AFF3: variants seen among roughly 807,000 people sequenced by gnomAD.
The protein encoded by AFF3 is AF4/FMR2 family member 3.
A neutral mutation model predicts 129.7 loss-of-function variants in AFF3; 32 were observed. That is an observed-to-expected ratio of 0.25 (90% CI 0.19 to 0.33). The LOEUF is 0.33. Among genes scored for constraint, AFF3 ranks in the 10% least tolerant of loss-of-function variants. The pLI, the probability that AFF3 is intolerant of heterozygous loss-of-function variation, is 1.00. For missense variants in AFF3, 1,373 were observed against 1,592.0 expected (o/e 0.86, Z 2.34); for synonymous variants, 644 against 635.4 (o/e 1.01, Z -0.20).
At chr2:99,994,939 AT>A (rs1680702770) in intron 7 of AFF3, among the ~76,000 whole-genome samples, 2 of 152,352 alleles carry the variant, frequency 1.3e-5, no homozygotes, top group Non-Finnish European at 1.5e-5. Flanking sequence ...ATAGGACCCC[AT>A]CCTAGAAGAT....
intron 16 of AFF3, among the ~76,000 whole-genome samples, chr2:99,585,970 C>T (rs1575430735): frequency 6.6e-6 from 1 of 152,058 alleles, no homozygotes; most frequent in Non-Finnish European, 1.5e-5. Flanking sequence ...ACCTTGTGAT[C>T]CGCCCGCCTC....
intron 11 of AFF3, chr2:99,707,393 A>C (rs1677501488): frequency 1.0e-6 from 1 of 985,240 alleles, no homozygotes; most frequent in African/African-American, 1.7e-5. Flanking sequence ...GAAATGTGTG[A>C]TTTTTAAACA....
At chr2:99,555,421 T>C (rs1326643186) in intron 22 of AFF3, among the ~76,000 whole-genome samples, 1 of 152,248 alleles carries the variant, frequency 6.6e-6, no homozygotes, top group African/African-American at 2.4e-5. Flanking sequence ...TTAAAGTAAG[T>C]TGCTGTTGCA....
chr2:99,561,724 C>T (rs1675493182), intron 20 of AFF3, among the ~76,000 whole-genome samples: 1 of 152,154 alleles, frequency 6.6e-6, no homozygotes, highest in South Asian at 2.1e-4. Context: ...TTTATAAACT[C>T]ATAAGGAGTA....
chr2:99,643,479 A>G (rs563303814), intron 13 of AFF3, among the ~76,000 whole-genome samples: 3 of 152,252 alleles, frequency 2.0e-5, no homozygotes, highest in South Asian at 4.2e-4. Context: ...TGGAACCTTA[A>G]CACTTTCTTA....
intron 4 of AFF3, among the ~76,000 whole-genome samples, chr2:100,076,066 G>C (rs1487741511): frequency 2.0e-5 from 3 of 152,196 alleles, no homozygotes; most frequent in Non-Finnish European, 4.4e-5. Flanking sequence ...CTGCAGACAT[G>C]TAAATGTCTC....
chr2:99,843,021 T>C (rs1689436331), intron 7 of AFF3, among the ~76,000 whole-genome samples: 1 of 152,202 alleles, frequency 6.6e-6, no homozygotes, highest in Admixed American at 6.5e-5. Context: ...CCCTCAAGCA[T>C]TTAGAAATTG....
At position 99,619,887 on chromosome 2, in the gene AFF3, A is replaced by T. The variant is rs544665187; in HGVS notation, c.1185-18266T>A. 2.6e-5 allele frequency among the ~76,000 whole-genome samples: 4 copies of T among 152,298 alleles called. No homozygotes were observed. In the South Asian group the frequency reaches 8.3e-4, roughly 32 times the overall value. The stretch of plus-strand genomic sequence containing the variant: ...AGCCAGTTCCACAGCAAGGGTAATA[A>T]GGCAACAAATGCTAGCTTAGGCCAA... On this transcript the variant is annotated intron_variant, in intron 13 of 24. Coordinates refer to ENST00000672756, the MANE Select transcript of AFF3 (RefSeq NM_001386135.1).
chr2:100,088,868 A>T (rs1689651037), intron 4 of AFF3, among the ~76,000 whole-genome samples: 1 of 152,260 alleles, frequency 6.6e-6, no homozygotes, highest in Admixed American at 6.5e-5. Context: ...ACCATTAAGT[A>T]CTTCACAATA....
chr2:99,836,920 A>G (rs1391219589), intron 8 of AFF3, among the ~76,000 whole-genome samples: 3 of 152,198 alleles, frequency 2.0e-5, no homozygotes, highest in Non-Finnish European at 4.4e-5. Context: ...GCCCAACCTA[A>G]GTCAATCTGG....
At chr2:99,942,461 G>C (rs1675141196) in intron 7 of AFF3, among the ~76,000 whole-genome samples, 1 of 148,480 alleles carries the variant, frequency 6.7e-6, no homozygotes, top group Admixed American at 6.9e-5. Context: ...TGACTGCTGG[G>C]AGCTATTTTA....
At position 100,013,018 on chromosome 2, in the gene AFF3, G is replaced by A. The variant is rs56987130; in HGVS notation, c.54-4086C>T. ...GCTTCAATATTATTTATCATTTGTT[G>A]CAGATGCATAACATTCCCAGAAAAT... On this transcript the variant is annotated intron_variant, in intron 4 of 24. Coordinates refer to ENST00000672756, the MANE Select transcript of AFF3 (RefSeq NM_001386135.1). Among the ~76,000 whole-genome samples the A allele has an allele frequency of 1.9e-3, 294 of 152,052 alleles. 2 individuals are homozygous for A. Among genetic ancestry groups the A allele is most frequent in the African/African-American group, 6.8e-3 (284 of 41,466 alleles).
intron 10 of AFF3, 23 bp downstream of exon 10, chr2:99,744,081 C>G: frequency 6.5e-7 from 1 of 1,547,276 alleles, no homozygotes; most frequent in South Asian, 1.1e-5. Flanking sequence ...CCAGATGAAA[C>G]TCCAGAGCGA....
At chr2:100,004,468 G>A (rs1347352871) in intron 7 of AFF3, among the ~76,000 whole-genome samples, 1 of 151,538 alleles carries the variant, frequency 6.6e-6, no homozygotes, top group African/African-American at 2.4e-5. Flanking sequence ...TTTATTTTTT[G>A]TAGAGATGGG....
chr2:100,116,928 A>G (rs10177007), intron 2 of AFF3, among the ~76,000 whole-genome samples: 17,694 of 152,136 alleles, frequency 0.12, 1,231 homozygotes, highest in Non-Finnish European at 0.14. Flanking sequence ...TACATTTATA[A>G]TTGAAGAGTA....
At chr2:99,871,324 T>A (rs1429648231) in intron 7 of AFF3, among the ~76,000 whole-genome samples, 1 of 152,202 alleles carries the variant, frequency 6.6e-6, no homozygotes, top group African/African-American at 2.4e-5. Context: ...GACAGCAAAG[T>A]GCCTGGCATC....
intron 4 of AFF3, among the ~76,000 whole-genome samples, chr2:100,036,395 C>T (rs2105003992): frequency 6.6e-6 from 1 of 152,116 alleles, no homozygotes; most frequent in Admixed American, 6.5e-5. Flanking sequence ...GCGCTTCAAT[C>T]AACTTACTTT....
At chr2:100,040,385 A>G (rs1337149756) in intron 4 of AFF3, among the ~76,000 whole-genome samples, 1 of 152,186 alleles carries the variant, frequency 6.6e-6, no homozygotes, top group Non-Finnish European at 1.5e-5. Flanking sequence ...GCTGAGATAC[A>G]ATTATTTTAC....
chr2:99,575,621 GGCTGTT>G (rs1449669624), intron 18 of AFF3, among the ~76,000 whole-genome samples: 1 of 152,162 alleles, frequency 6.6e-6, no homozygotes, highest in Non-Finnish European at 1.5e-5. Context: ...ATGGTTGAGT[GGCTGTT>G]TGAGTTGCAT....
Sources: allele counts gnomAD v4.1 joint callset (sites outside exome capture counted in the v4.1 genomes callset), GRCh38; gene constraint gnomAD v4.1.1; transcripts MANE v1.5; gene names NCBI Gene and HGNC (gene_info 2026-07-23, HGNC 2026-07-21).